Variants in ATXN1 observed in about 807,000 individuals in gnomAD.
The protein encoded by ATXN1 is ataxin 1, also known as ataxin-1.
A neutral mutation model predicts 56.4 loss-of-function variants in ATXN1; 8 were observed. That is an observed-to-expected ratio of 0.14 (90% CI 0.08 to 0.26). The LOEUF (loss-of-function observed/expected upper bound fraction) is 0.26. ATXN1 is among the 10% of genes least tolerant of loss of function. The pLI is 1.00. For missense variants in ATXN1, 987 were observed against 1,106.5 expected, an observed-to-expected ratio of 0.89 and a Z score of 1.53; for synonymous variants, 514 against 494.6, an observed-to-expected ratio of 1.04 and a Z score of -0.52.
intron 6 of ATXN1, among the ~76,000 whole-genome samples, chr6:16,411,125 C>CAAAAAAAAAAAAAAA (rs746717153): frequency 7.4e-5 from 6 of 80,614 alleles, no homozygotes; most frequent in East Asian, 5.1e-4. Context: ...ACCTCTGTGT[C>CAAAAAAAAAAAAAAA]AAAAAAAAAA....
rs575313617 is a variant in ATXN1 at position 16,326,604 on chromosome 6, C to G, written c.1707G>C (p.Thr569=). The G allele has an allele frequency of 1.7e-5, 27 of 1,614,142 alleles. No homozygotes were observed. In the South Asian group the frequency reaches 3.0e-4, roughly 18 times the overall value. The change falls in exon 7 of 8, where the codon ACG becomes ACC. Residue 569 remains threonine (T), a synonymous_variant. Coordinates refer to ENST00000436367, the MANE Select transcript of ATXN1 (RefSeq NM_001128164.2). The surrounding 1 kb of genome is among the most constrained non-coding windows in gnomAD (Gnocchi z 6.6). ...SVASPAAAPP[T]LPPYFMKGSI... ...AGCCTTTCATGAAGTAGGGAGGCAG[C>G]GTAGGGGGAGCCGCCGCCGGGGAGG...
intron 6 of ATXN1, among the ~76,000 whole-genome samples, chr6:16,382,886 T>A (rs1353903827): frequency 1.4e-5 from 1 of 72,302 alleles, no homozygotes; most frequent in Non-Finnish European, 2.6e-5. Flanking sequence ...AAGGCCTGGA[T>A]GGCAGAGGTG....
chr6:16,312,557 A>T (rs1760416395), intron 7 of ATXN1, among the ~76,000 whole-genome samples: 2 of 152,036 alleles, frequency 1.3e-5, no homozygotes, highest in South Asian at 4.1e-4. Flanking sequence ...ATTGTTAAAG[A>T]CTGATAGGAG....
chr6:16,513,846 C>A (rs1420176381), intron 5 of ATXN1, among the ~76,000 whole-genome samples: 1 of 152,074 alleles, frequency 6.6e-6, no homozygotes, highest in Non-Finnish European at 1.5e-5. Flanking sequence ...TGCACCTCTG[C>A]CCAGAGGTGG....
chr6:16,554,991 A>G (rs1426802707), intron 4 of ATXN1, among the ~76,000 whole-genome samples: 1 of 152,128 alleles, frequency 6.6e-6, no homozygotes, highest in East Asian at 1.9e-4. Flanking sequence ...GTCCTGTCTC[A>G]ATGAGTGAAA....
chr6:16,692,656 CAACAAA>C (rs66686151), intron 2 of ATXN1, among the ~76,000 whole-genome samples: 40,829 of 151,836 alleles, frequency 0.27, 5,802 homozygotes, highest in Admixed American at 0.36. Context: ...CCACCACCAA[CAACAAA>C]AACAATAGCA....
At chr6:16,719,006 G>C (rs1283902960) in intron 2 of ATXN1, among the ~76,000 whole-genome samples, 1 of 152,136 alleles carries the variant, frequency 6.6e-6, no homozygotes, top group East Asian at 1.9e-4. Flanking sequence ...TGGGGACTCT[G>C]TCTTTATTTC....
Position 16,504,682 on chromosome 6 carries a change from C to T in ATXN1, c.-299+17945G>A, listed in dbSNP as rs529028323. On this transcript the variant is annotated intron_variant, in intron 5 of 7. Transcript: ENST00000436367. ...AGTCACTCAGGTGAATGGGATGAGG[C>T]CAGGAGGTGACCAGGCCTGGATCTG... 9.2e-5 allele frequency among the ~76,000 whole-genome samples: 14 copies of T among 152,242 alleles called. No individual in the cohort carries two copies. In the South Asian group the frequency reaches 2.7e-3, roughly 29 times the overall value.
At chr6:16,732,479 G>A (rs1760012753) in intron 2 of ATXN1, among the ~76,000 whole-genome samples, 1 of 152,092 alleles carries the variant, frequency 6.6e-6, no homozygotes, top group Non-Finnish European at 1.5e-5. Context: ...GCTGAGGCAG[G>A]AGAATTGCTT....
chr6:16,638,570 C>G (rs1240545097), intron 3 of ATXN1, among the ~76,000 whole-genome samples: 1 of 152,006 alleles, frequency 6.6e-6, no homozygotes, highest in African/African-American at 2.4e-5. Context: ...CCAGATAAAA[C>G]CTCCTGGCCC....
chr6:16,584,273 T>C (rs9396686), intron 4 of ATXN1, among the ~76,000 whole-genome samples: 16 of 115,940 alleles, frequency 1.4e-4, no homozygotes, highest in African/African-American at 3.1e-4. Flanking sequence ...CACACACACA[T>C]ATACACATAT....
At chr6:16,454,125 C>CAAAAAAAAAAAAAAAAA (rs56277549) in intron 6 of ATXN1, among the ~76,000 whole-genome samples, 12 of 76,664 alleles carry the variant, frequency 1.6e-4, no homozygotes, top group Non-Finnish European at 2.0e-4. Context: ...GACTCTGTCT[C>CAAAAAAAAAAAAAAAAA]AAAAAAAAAA....
At chr6:16,561,016 T>A (rs183791222) in intron 4 of ATXN1, among the ~76,000 whole-genome samples, 21 of 152,268 alleles carry the variant, frequency 1.4e-4, no homozygotes, top group Admixed American at 1.4e-3. Context: ...TGGGAGTGAG[T>A]AATTAGTGTG....
At chr6:16,425,001 T>G (rs909689815) in intron 6 of ATXN1, among the ~76,000 whole-genome samples, 1 of 152,206 alleles carries the variant, frequency 6.6e-6, no homozygotes, top group Non-Finnish European at 1.5e-5. Flanking sequence ...TCTGGTACCT[T>G]TGCAGACTAT....
chr6:16,659,261 T>C (rs1758267993), intron 2 of ATXN1, among the ~76,000 whole-genome samples: 3 of 152,234 alleles, frequency 2.0e-5, no homozygotes, highest in Non-Finnish European at 4.4e-5. Context: ...GTAAGGATTT[T>C]ATTAGTTTTA....
At chr6:16,586,119 C>T (rs902080221) in intron 3 of ATXN1, among the ~76,000 whole-genome samples, 1 of 152,002 alleles carries the variant, frequency 6.6e-6, no homozygotes, top group Non-Finnish European at 1.5e-5. Context: ...CACAGCAGGT[C>T]CCTATCCCCA....
intron 2 of ATXN1, among the ~76,000 whole-genome samples, chr6:16,710,445 A>T (rs548732298): frequency 2.0e-5 from 3 of 152,168 alleles, no homozygotes; most frequent in Non-Finnish European, 4.4e-5. Flanking sequence ...GGGGATTTAT[A>T]TGGAACTCTG....
At chr6:16,454,125 CAA>C (rs56277549) in intron 6 of ATXN1, among the ~76,000 whole-genome samples, 257 of 76,516 alleles carry the variant, frequency 3.4e-3, no homozygotes, top group Non-Finnish European at 4.5e-3. Flanking sequence ...GACTCTGTCT[CAA>C]AAAAAAAAAA....
At chr6:16,587,767 T>C (rs1762651224) in intron 3 of ATXN1, among the ~76,000 whole-genome samples, 2 of 150,894 alleles carry the variant, frequency 1.3e-5, no homozygotes, top group African/African-American at 4.9e-5. Flanking sequence ...ACCCCATCTA[T>C]ACTAAAAAAA....
Sources: allele counts gnomAD v4.1 joint callset (sites outside exome capture counted in the v4.1 genomes callset), GRCh38; gene constraint gnomAD v4.1.1; non-coding constraint Gnocchi (gnomAD v3.1); transcripts MANE v1.5; gene names NCBI Gene and HGNC (gene_info 2026-07-23, HGNC 2026-07-21).